Variants in SV2B observed in about 807,000 individuals in gnomAD.
The protein encoded by SV2B is synaptic vesicle glycoprotein 2B, also known as solute carrier family 22 member B2.
SV2B carries 41 observed loss-of-function variants against 73.9 expected under a neutral mutation model. The observed-to-expected ratio is 0.56, with a 90% confidence interval of 0.43 to 0.72. The LOEUF (loss-of-function observed/expected upper bound fraction) is 0.72. Among genes scored for constraint, SV2B ranks in the 30% least tolerant of loss-of-function variants. The probability of loss-of-function intolerance (pLI) is 0.00; values close to 1 mark genes in which losing one functional copy is unlikely to be tolerated. For synonymous variants in SV2B, 314 were observed against 314.2 expected, an observed-to-expected ratio of 1.00 and a Z score of 0.01; for missense variants, 764 against 857.8, an observed-to-expected ratio of 0.89 and a Z score of 1.37.
chr15:91,233,676 A>G (rs1275965929), intron 2 of SV2B, among the ~76,000 whole-genome samples: 2 of 135,858 alleles, frequency 1.5e-5, no homozygotes, highest in African/African-American at 3.5e-5. Context: ...CTTTGCCATT[A>G]TAAGCATCCT....
chr15:91,285,690 A>T (rs111520766), intron 11 of SV2B, among the ~76,000 whole-genome samples: 1,896 of 152,308 alleles, frequency 0.012, 50 homozygotes, highest in African/African-American at 0.042. Flanking sequence ...AGCAGACATG[A>T]GACACTTCCG....
chr15:91,204,808 C>T (rs1286756022), intron 1 of SV2B, among the ~76,000 whole-genome samples: 1 of 152,076 alleles, frequency 6.6e-6, no homozygotes, highest in Admixed American at 6.5e-5. Context: ...CCGCTCACCT[C>T]GCCTCCCAAA....
rs556309107 is a variant in SV2B at position 91,302,386 on chromosome 15, G to C, written c.*9834G>C. The stretch of plus-strand genomic sequence containing the variant: ...GAGAGATCTGGGGGGTGCAGAGGAG[G>C]GACCTGGTTCTGGAGTGGTGATGCT... On this transcript the variant is annotated 3_prime_UTR_variant, in exon 13 of 13. Coordinates refer to ENST00000394232, the MANE Select transcript of SV2B (RefSeq NM_001323032.3). 6.6e-6 allele frequency among the ~76,000 whole-genome samples: 1 copy of C among 152,278 alleles called. No homozygotes were observed. Among genetic ancestry groups the C allele is most frequent in the East Asian group, 1.9e-4 (1 of 5,184 alleles).
At chr15:91,286,879 A>G (rs1460458099) in intron 11 of SV2B, among the ~76,000 whole-genome samples, 1 of 152,130 alleles carries the variant, frequency 6.6e-6, no homozygotes, top group Non-Finnish European at 1.5e-5. Flanking sequence ...CTGGGGACTT[A>G]TAGCAGGAAC....
At chr15:91,264,476 G>A (rs745486361) in intron 6 of SV2B, among the ~76,000 whole-genome samples, 19 of 152,188 alleles carry the variant, frequency 1.2e-4, no homozygotes, top group Admixed American at 2.0e-4. Flanking sequence ...TTGGGCCATT[G>A]CCTCATTTGG....
In SV2B at chr15:91,258,187, A is replaced by G. The variant is rs2047769858; in HGVS notation, c.785-234A>G. Among the ~76,000 whole-genome samples the G allele has an allele frequency of 6.6e-6, 1 of 152,196 alleles. No individual in the cohort carries two copies. Among genetic ancestry groups the G allele is most frequent in the African/African-American group, 2.4e-5 (1 of 41,454 alleles). On this transcript the variant is annotated intron_variant, in intron 4 of 12. Transcript: ENST00000394232. This position sits in a 1 kb window ranked among gnomAD's most constrained non-coding sequence, Gnocchi z 4.7. ...GCAGAATTCCTGGGGATTTGTCAGAATGCAGAATTTGCAATGTGAGAAATA... is the reference window on the plus strand; with the variant it reads ...GCAGAATTCCTGGGGATTTGTCAGAGTGCAGAATTTGCAATGTGAGAAATA...
intron 1 of SV2B, among the ~76,000 whole-genome samples, chr15:91,125,802 T>A: frequency 2.7e-5 from 2 of 75,110 alleles, no homozygotes; most frequent in African/African-American, 4.3e-5. Flanking sequence ...AAAAAAAAAT[T>A]CAGTCATTTA....
In SV2B at chr15:91,252,220, A is replaced by G. The variant is rs2047513607; in HGVS notation, c.633-149A>G. 3 of 1,188,256 alleles carry G rather than the reference A, an allele frequency of 2.5e-6. No homozygotes were observed. Among genetic ancestry groups the G allele is most frequent in the Admixed American group, 2.4e-5 (1 of 41,520 alleles). The allele number at this position is 1,188,256 out of a possible 1,614,324, so 73.6% of individuals were successfully genotyped here. Reference sequence around the variant, plus strand: ...AAAATAATCCAAGACTGCTTCCCACATGTAGAGAGGAACTAACTGGCCGGT... The same window carrying G: ...AAAATAATCCAAGACTGCTTCCCACGTGTAGAGAGGAACTAACTGGCCGGT... On this transcript the variant is annotated intron_variant, in intron 3 of 12. Transcript: ENST00000394232. This position sits in a 1 kb window ranked among gnomAD's most constrained non-coding sequence, Gnocchi z 4.6.
chr15:91,187,027 A>G (rs8040497), intron 1 of SV2B, among the ~76,000 whole-genome samples: 7,754 of 152,280 alleles, frequency 0.051, 672 homozygotes, highest in African/African-American at 0.18. Context: ...AGACGATTGA[A>G]CATGCTCCAT....
chr15:91,221,693 G>GCACACA (rs3082137), intron 1 of SV2B, among the ~76,000 whole-genome samples: 3,288 of 140,090 alleles, frequency 0.023, 35 homozygotes, highest in African/African-American at 0.038. Context: ...AAGCATGTGC[G>GCACACA]CACACACACA....
intron 1 of SV2B, among the ~76,000 whole-genome samples, chr15:91,149,257 T>C (rs895005804): frequency 3.3e-5 from 5 of 152,166 alleles, no homozygotes; most frequent in African/African-American, 1.2e-4. Flanking sequence ...GTGCTGGCCA[T>C]CGGAAGTCTG....
At chr15:91,198,885 A>G (rs1317702027) in intron 1 of SV2B, among the ~76,000 whole-genome samples, 2 of 152,236 alleles carry the variant, frequency 1.3e-5, no homozygotes. Flanking sequence ...CTTCTAGGAG[A>G]TGCCTCTTTA....
rs59849012 is a variant in SV2B at position 91,191,063 on chromosome 15, CTTTTT to C, written c.-391-34793_-391-34789del. Among the ~76,000 whole-genome samples, 262 of 64,238 alleles carry C rather than the reference CTTTTT, an allele frequency of 4.1e-3. 4 individuals are homozygous for C. The highest frequency in any genetic ancestry group is 0.013 in the African/African-American group (246 of 18,372). 42.1% of individuals were successfully genotyped at this position (64,238 alleles called of 152,430 possible). On this transcript the variant is annotated intron_variant, in intron 1 of 12. Transcript: ENST00000394232. ...TACCCTGGTGGTTTTTTTGGTGTTT[CTTTTT>C]TTTTTTTTTTTTTTTTGACAGAGTC...
chr15:91,196,960 T>C (rs1172145286), intron 1 of SV2B, among the ~76,000 whole-genome samples: 1 of 152,178 alleles, frequency 6.6e-6, no homozygotes, highest in East Asian at 1.9e-4. Flanking sequence ...TGACAGACAC[T>C]TCACAAACAG....
intron 1 of SV2B, among the ~76,000 whole-genome samples, chr15:91,170,234 T>G (rs2044075105): frequency 6.6e-6 from 1 of 152,306 alleles, no homozygotes; most frequent in South Asian, 2.1e-4. Flanking sequence ...GACACCCGAA[T>G]TTTTTTAGAT....
chr15:91,137,607 C>CATATATATATTTCATATAT lies in SV2B; in HGVS notation c.-392+37246_-392+37264dup, dbSNP rs1555470670. On this transcript the variant is annotated intron_variant, in intron 1 of 12. Coordinates refer to ENST00000394232, the MANE Select transcript of SV2B (RefSeq NM_001323032.3). The surrounding 1 kb of genome is among the most constrained non-coding windows in gnomAD (Gnocchi z 4.9). ...ATATTTCTCATATATATATATATTT[C>CATATATATATTTCATATAT]ATATATATATTTCATATATACATAT... 1.1e-5 allele frequency among the ~76,000 whole-genome samples: 1 copy of CATATATATATTTCATATAT among 91,936 alleles called. No homozygotes were observed. Among genetic ancestry groups the CATATATATATTTCATATAT allele is most frequent in the Non-Finnish European group, 2.4e-5 (1 of 42,530 alleles). 60.3% of individuals were successfully genotyped at this position (91,936 alleles called of 152,430 possible). A position where few individuals can be genotyped will look rare whatever the true frequency, so the allele number is the denominator to read the frequency against.
intron 11 of SV2B, among the ~76,000 whole-genome samples, chr15:91,286,224 C>T (rs2048856190): frequency 1.3e-5 from 2 of 152,106 alleles, no homozygotes; most frequent in African/African-American, 4.8e-5. Flanking sequence ...AGACAAGGTG[C>T]TCAGCTGATA....
Position 91,124,176 on chromosome 15 carries a change from A to G in SV2B, c.-392+23813A>G, listed in dbSNP as rs1254442350. ...TCTCACCACATTCATTAAATTATCAAAATTCTATAAGGATTTAAATGAATG... is the reference window on the plus strand; with the variant it reads ...TCTCACCACATTCATTAAATTATCAGAATTCTATAAGGATTTAAATGAATG... On this transcript the variant is annotated intron_variant, in intron 1 of 12. Coordinates refer to ENST00000394232, the MANE Select transcript of SV2B (RefSeq NM_001323032.3). The surrounding 1 kb of genome is among the most constrained non-coding windows in gnomAD (Gnocchi z 4.6). Among the ~76,000 whole-genome samples the G allele has an allele frequency of 6.6e-6, 1 of 152,182 alleles. No individual in the cohort carries two copies. Among genetic ancestry groups the G allele is most frequent in the Non-Finnish European group, 1.5e-5 (1 of 68,032 alleles).
chr15:91,184,782 G>C (rs555560639), intron 1 of SV2B, among the ~76,000 whole-genome samples: 1 of 152,254 alleles, frequency 6.6e-6, no homozygotes, highest in African/African-American at 2.4e-5. Context: ...AGATGCAATT[G>C]ACCTTCATCT....
Sources: allele counts gnomAD v4.1 joint callset (sites outside exome capture counted in the v4.1 genomes callset), GRCh38; gene constraint gnomAD v4.1.1; non-coding constraint Gnocchi (gnomAD v3.1); transcripts MANE v1.5; gene names NCBI Gene and HGNC (gene_info 2026-07-23, HGNC 2026-07-21).